The following RRAS2 variants were observed in gnomAD, a reference collection of about 807,000 sequenced individuals.
The protein encoded by RRAS2 is ras-related protein R-Ras2.
In RRAS2, 7 loss-of-function variants were observed where a neutral mutation model predicts 27.6. The observed-to-expected ratio is 0.25, with a 90% CI of 0.14 to 0.48. The LOEUF (loss-of-function observed/expected upper bound fraction) is 0.48, where lower values mean the gene tolerates loss of function less well. Ranked by LOEUF, RRAS2 falls within the 20% of genes least tolerant of loss-of-function variation. The probability of loss-of-function intolerance (pLI) is 0.99; values close to 1 mark genes in which losing one functional copy is unlikely to be tolerated. For synonymous variants in RRAS2, 86 were observed against 90.9 expected, an observed-to-expected ratio of 0.95 and a Z score of 0.31; for missense variants, 178 against 256.2, an observed-to-expected ratio of 0.69 and a Z score of 2.08.
chr11:14,284,735 A>G (rs1849618660), intron 4 of RRAS2, among the ~76,000 whole-genome samples: 1 of 152,192 alleles, frequency 6.6e-6, no homozygotes, highest in Non-Finnish European at 1.5e-5. Flanking sequence ...TTATCATTAT[A>G]TAACACTCTT....
chr11:14,361,193 G>A (rs1554956143), upstream of RRAS2, among the ~76,000 whole-genome samples: 1 of 152,210 alleles, frequency 6.6e-6, no homozygotes. Flanking sequence ...AGGCTGAGGT[G>A]GGAGAATTGC....
chr11:14,305,168 T>C (rs1245197928), intron 1 of RRAS2, among the ~76,000 whole-genome samples: 1 of 151,986 alleles, frequency 6.6e-6, no homozygotes, highest in African/African-American at 2.4e-5. Context: ...TCAGCTAATA[T>C]ATATGTATTA....
chr11:14,362,423 C>T (rs1455623101), upstream of RRAS2, among the ~76,000 whole-genome samples: 1 of 152,020 alleles, frequency 6.6e-6, no homozygotes, highest in Non-Finnish European at 1.5e-5. Context: ...ACTTTCTATG[C>T]CAAAATGAGC....
intron 1 of RRAS2, among the ~76,000 whole-genome samples, chr11:14,346,688 C>T (rs1358238535): frequency 6.6e-6 from 1 of 152,080 alleles, no homozygotes; most frequent in Non-Finnish European, 1.5e-5. Context: ...TAGTTAATAA[C>T]AATATATTGT....
chr11:14,315,399 G>T (rs1222954406), intron 1 of RRAS2, among the ~76,000 whole-genome samples: 1 of 152,104 alleles, frequency 6.6e-6, no homozygotes, highest in Non-Finnish European at 1.5e-5. Flanking sequence ...TCTAATAGAG[G>T]GGCACTCTAC....
chr11:14,325,934 T>C (rs1848346577), intron 1 of RRAS2, among the ~76,000 whole-genome samples: 1 of 152,196 alleles, frequency 6.6e-6, no homozygotes, highest in African/African-American at 2.4e-5. Context: ...GGCTGGGGAA[T>C]GAGCAGCAAC....
intron 1 of RRAS2, among the ~76,000 whole-genome samples, chr11:14,310,393 G>A (rs1010824583): frequency 2.6e-4 from 39 of 152,200 alleles, no homozygotes; most frequent in Non-Finnish European, 5.3e-4. Context: ...CAGAGACTGG[G>A]ACCTGGGGTA....
intron 1 of RRAS2, among the ~76,000 whole-genome samples, chr11:14,344,487 T>C (rs1848787397): frequency 6.6e-6 from 1 of 152,216 alleles, no homozygotes; most frequent in South Asian, 2.1e-4. Context: ...ACAAATTTAA[T>C]AGCCACATAT....
chr11:14,301,553 G>A (rs1337163371), intron 1 of RRAS2, among the ~76,000 whole-genome samples: 1 of 152,114 alleles, frequency 6.6e-6, no homozygotes, highest in Non-Finnish European at 1.5e-5. Flanking sequence ...ATGAGGGCAG[G>A]GACTTTGTCA....
At chr11:14,320,266 T>A (rs1412478297) in intron 1 of RRAS2, among the ~76,000 whole-genome samples, 5 of 152,204 alleles carry the variant, frequency 3.3e-5, no homozygotes, top group African/African-American at 1.2e-4. Flanking sequence ...ACCTTTGGCA[T>A]CCTGTGAAAC....
intron 4 of RRAS2, among the ~76,000 whole-genome samples, chr11:14,287,764 C>T (rs1410185509): frequency 6.6e-6 from 1 of 150,554 alleles, no homozygotes; most frequent in Non-Finnish European, 1.5e-5. Context: ...CCCAGCTACT[C>T]GGGAGGCTGA....
chr11:14,292,602 T>C (rs545364628), intron 4 of RRAS2, among the ~76,000 whole-genome samples: 1 of 151,608 alleles, frequency 6.6e-6, no homozygotes, highest in South Asian at 2.1e-4. Context: ...AAATTAAATC[T>C]AAAAAAAATA....
chr11:14,308,543 T>C (rs959319678), intron 1 of RRAS2, among the ~76,000 whole-genome samples: 5 of 152,218 alleles, frequency 3.3e-5, no homozygotes, highest in African/African-American at 7.2e-5. Flanking sequence ...ATATAATTTA[T>C]AGGTGCTATC....
intron 1 of RRAS2, among the ~76,000 whole-genome samples, chr11:14,334,120 C>G (rs1357390312): frequency 6.6e-6 from 1 of 152,190 alleles, no homozygotes; most frequent in Non-Finnish European, 1.5e-5. Context: ...AAAATAACTA[C>G]TGGGTCGAAA....
Position 14,358,845 on chromosome 11 carries a change from C to A in RRAS2, c.26G>T (p.Gly9Val), listed in dbSNP as rs1849140082. 1.4e-6 allele frequency: 2 copies of A among 1,480,126 alleles called. No homozygotes were observed. Among genetic ancestry groups the A allele is most frequent in the African/African-American group, 1.5e-5 (1 of 68,550 alleles). 91.7% of individuals were successfully genotyped at this position (1,480,126 alleles called of 1,614,324 possible). MAAAGWRDGSGQEKYRLVV... is the reference protein window; with the variant it reads MAAAGWRDVSGQEKYRLVV... ...GAGCCGGTACTTCTCCTGGCCGGAG[C>A]CGTCCCGCCAGCCGGCCGCGGCCAT... Residue 9 changes from glycine to valine, a missense_variant, in exon 1 of 6, where the codon GGC becomes GTC. Coordinates refer to ENST00000256196, the MANE Select transcript of RRAS2 (RefSeq NM_012250.6). This position sits in a 1 kb window ranked among gnomAD's most constrained non-coding sequence, Gnocchi z 5.1.
In RRAS2 at chr11:14,302,073, TACACACACAC is replaced by T. The variant is rs57730782; in HGVS notation, c.109-6228_109-6219del. Among the ~76,000 whole-genome samples the T allele has an allele frequency of 9.3e-4, 133 of 142,352 alleles. 2 individuals are homozygous for T. The highest frequency in any genetic ancestry group is 1.2e-3 in the Admixed American group (17 of 14,420). The allele number at this position is 142,352 out of a possible 152,430, so 93.4% of individuals were successfully genotyped here. A position where few individuals can be genotyped will look rare whatever the true frequency, so the allele number is the denominator to read the frequency against. ...ACAAGGAGTAAATGTACCACACACA[TACACACACAC>T]ACACACACACACACACACACACACA... On this transcript the variant is annotated intron_variant, in intron 1 of 5. Transcript: ENST00000256196.
chr11:14,328,197 T>C (rs1432509252), intron 1 of RRAS2, among the ~76,000 whole-genome samples: 1 of 151,752 alleles, frequency 6.6e-6, no homozygotes, highest in Non-Finnish European at 1.5e-5. Flanking sequence ...GAGAAACCCA[T>C]CTCTACTAAA....
chr11:14,290,535 GT>G, intron 4 of RRAS2, among the ~76,000 whole-genome samples: 1 of 152,174 alleles, frequency 6.6e-6, no homozygotes, highest in Non-Finnish European at 1.5e-5. Flanking sequence ...CCCCCTAAGG[GT>G]GGGAGATAAG....
At chr11:14,361,170 C>T (rs1409914878), upstream of RRAS2, among the ~76,000 whole-genome samples, 1 of 150,260 alleles carries the variant, frequency 6.7e-6, no homozygotes, top group Non-Finnish European at 1.5e-5. Context: ...GCCTATAGTC[C>T]CAGCCACTCC....
Sources: gnomAD v4.1 joint callset for allele counts (sites outside exome capture counted in the v4.1 genomes callset) on GRCh38, gnomAD v4.1.1 for gene constraint, Gnocchi (gnomAD v3.1) non-coding constraint, MANE v1.5 for transcripts, NCBI Gene and HGNC (gene_info 2026-07-23, HGNC 2026-07-21) for gene names.